RORB: variants seen among roughly 807,000 people sequenced by gnomAD.
RORB encodes the protein nuclear receptor ROR-beta.
RORB carries 6 observed loss-of-function variants against 59.1 expected under a neutral mutation model. The observed-to-expected ratio is 0.10, with a 90% CI of 0.06 to 0.20. The LOEUF is 0.20. Among genes scored for constraint, RORB ranks in the 10% least tolerant of loss-of-function variants. The pLI is 1.00. For missense variants in RORB, 320 were observed against 560.5 expected (o/e 0.57, Z 4.33); for synonymous variants, 215 against 204.5 (o/e 1.05, Z -0.44).
At chr9:74,646,420 A>G (rs1000296183) in intron 4 of RORB, among the ~76,000 whole-genome samples, 4 of 152,342 alleles carry the variant, frequency 2.6e-5, no homozygotes, top group African/African-American at 9.6e-5. Context: ...TAGCAGAGTC[A>G]GGAATACTCT....
intron 1 of RORB, among the ~76,000 whole-genome samples, chr9:74,566,966 G>A (rs1341544818): frequency 6.6e-6 from 1 of 151,930 alleles, no homozygotes; most frequent in Non-Finnish European, 1.5e-5. Flanking sequence ...AAGTTTCTGT[G>A]GGTTTTGGTT....
chr9:74,670,071 C>CA (rs1563970126), intron 8 of RORB, among the ~76,000 whole-genome samples: 1 of 145,858 alleles, frequency 6.9e-6, no homozygotes, highest in Non-Finnish European at 1.5e-5. Flanking sequence ...TCCTCTAGGC[C>CA]TTTTTTTTTT....
intron 9 of RORB, among the ~76,000 whole-genome samples, chr9:74,679,919 G>T (rs1028012611): frequency 6.6e-6 from 1 of 152,052 alleles, no homozygotes; most frequent in Non-Finnish European, 1.5e-5. Flanking sequence ...TGGCCAACAT[G>T]GTGAAATCCC....
In RORB at chr9:74,642,367, C is replaced by T. The variant is rs200889616; in HGVS notation, c.236-47C>T. 19 of 1,549,342 alleles carry T rather than the reference C, an allele frequency of 1.2e-5. No individual in the cohort carries two copies. The Middle Eastern group carries it at 5.5e-4, about 45-fold the overall frequency. The stretch of plus-strand genomic sequence containing the variant: ...CCCGTTGTACCTGAGGTGGTTAACG[C>T]GAATGATAACCACAAGTGCTGTTTT... On this transcript the variant is annotated intron_variant, in intron 3 of 9. Transcript: ENST00000376896.
intron 1 of RORB, among the ~76,000 whole-genome samples, chr9:74,583,186 TGTAA>T (rs1396720617): frequency 2.6e-5 from 4 of 152,160 alleles, no homozygotes; most frequent in African/African-American, 9.7e-5. Context: ...CTAGGGCTCA[TGTAA>T]GTGTTTCTTT....
chr9:74,501,871 C>A (rs1303202983), intron 1 of RORB, among the ~76,000 whole-genome samples: 3 of 152,120 alleles, frequency 2.0e-5, no homozygotes, highest in African/African-American at 7.2e-5. Context: ...AAATTTTGAA[C>A]AGCAAACTTT....
intron 1 of RORB, among the ~76,000 whole-genome samples, chr9:74,601,601 A>G (rs1338741844): frequency 2.0e-5 from 3 of 152,134 alleles, no homozygotes; most frequent in African/African-American, 7.2e-5. Context: ...TTACTACTCA[A>G]TTCTCTACGA....
chr9:74,540,823 A>G (rs1826394665), intron 1 of RORB, among the ~76,000 whole-genome samples: 1 of 152,136 alleles, frequency 6.6e-6, no homozygotes. Flanking sequence ...CTATCGGACA[A>G]ATTTTCAAAA....
chr9:74,605,346 A>C (rs924331668), intron 1 of RORB, among the ~76,000 whole-genome samples: 3 of 152,218 alleles, frequency 2.0e-5, no homozygotes, highest in Non-Finnish European at 4.4e-5. Flanking sequence ...TTCAAACCAA[A>C]AACTCATGGT....
intron 3 of RORB, among the ~76,000 whole-genome samples, chr9:74,638,344 T>C (rs1330654379): frequency 6.6e-6 from 1 of 152,204 alleles, no homozygotes; most frequent in Non-Finnish European, 1.5e-5. Flanking sequence ...AAATATAAAA[T>C]GATTTCCGAT....
chr9:74,544,026 T>C (rs1345700768), intron 1 of RORB, among the ~76,000 whole-genome samples: 1 of 152,200 alleles, frequency 6.6e-6, no homozygotes, highest in African/African-American at 2.4e-5. Flanking sequence ...ATGAAATCTT[T>C]CAGGATATTG....
chr9:74,641,937 A>T (rs1363902202), intron 3 of RORB, among the ~76,000 whole-genome samples: 1 of 152,070 alleles, frequency 6.6e-6, no homozygotes, highest in African/African-American at 2.4e-5. Context: ...AAATAAAAAG[A>T]AATTTGAGAA....
At chr9:74,604,768 C>T (rs1333607113) in intron 1 of RORB, among the ~76,000 whole-genome samples, 1 of 152,126 alleles carries the variant, frequency 6.6e-6, no homozygotes, top group Non-Finnish European at 1.5e-5. Context: ...ACATTTATCA[C>T]TGAAGATTCC....
Position 74,667,781 on chromosome 9 carries a change from T to A in RORB, c.1001-10T>A. On this transcript the variant is annotated splice_polypyrimidine_tract_variant and intron_variant, in intron 7 of 9. Coordinates refer to ENST00000376896, the MANE Select transcript of RORB (RefSeq NM_006914.4). ...AGTATTTTTATTCCATTTTTCTTCT[T>A]CCTTTATAGGTTCTGATGACCTAGT... 1 of 1,560,890 alleles carries A rather than the reference T, an allele frequency of 6.4e-7. No individual in the cohort carries two copies. The highest frequency in any genetic ancestry group is 8.8e-7 in the Non-Finnish European group (1 of 1,131,562).
intron 8 of RORB, among the ~76,000 whole-genome samples, chr9:74,670,741 G>A (rs904402650): frequency 2.0e-5 from 3 of 152,178 alleles, no homozygotes; most frequent in African/African-American, 4.8e-5. Context: ...CCTGACATAA[G>A]AGCCACTGTG....
At chr9:74,593,894 A>G (rs958332099) in intron 1 of RORB, among the ~76,000 whole-genome samples, 2 of 152,234 alleles carry the variant, frequency 1.3e-5, no homozygotes, top group Non-Finnish European at 2.9e-5. Flanking sequence ...AGGTCTTGAT[A>G]TAGTACATCA....
chr9:74,665,585 C>A lies in RORB; in HGVS notation c.990C>A (p.Phe330Leu). 1 of 1,607,796 alleles carries A rather than the reference C, an allele frequency of 6.2e-7. No homozygotes were observed. The highest frequency in any genetic ancestry group is 8.5e-7 in the Non-Finnish European group (1 of 1,174,872). ...FEGKYGGMQM[F>L]KALGSDDLVN... The stretch of plus-strand genomic sequence containing the variant: ...GAAAATATGGAGGAATGCAAATGTT[C>A]AAAGCCTTAGGTAAGTTTCCCTTTG... Residue 330 changes from phenylalanine (F) to leucine (L), a missense_variant, in exon 7 of 10, where the codon TTC becomes TTA. Phe to Leu is a conservative substitution (Grantham distance 22, BLOSUM62 0). Around this residue, in one of 4 missense-constraint regions of RORB, gnomAD observed 109 missense variants for 171.0 expected, o/e 0.64. Coordinates refer to ENST00000376896, the MANE Select transcript of RORB (RefSeq NM_006914.4).
In RORB at chr9:74,660,744, C is replaced by G. The variant is rs752256834; in HGVS notation, c.759+6C>G. 4 of 1,608,086 alleles carry G rather than the reference C, an allele frequency of 2.5e-6. No individual in the cohort carries two copies. In the South Asian group the frequency reaches 4.5e-5, roughly 18 times the overall value. On this transcript the variant is annotated splice_donor_region_variant and intron_variant, in intron 5 of 9. Transcript: ENST00000376896. ...TTAAAGCATATCAAAGCAAGGTACT[C>G]TGGGAAACCATGAGAAAGTTTTTCT...
chr9:74,568,117 C>T (rs924984030), intron 1 of RORB, among the ~76,000 whole-genome samples: 2 of 152,172 alleles, frequency 1.3e-5, no homozygotes, highest in African/African-American at 2.4e-5. Flanking sequence ...ATTTTTATAA[C>T]ACCTTTCACA....
Sources: gnomAD v4.1 joint callset for allele counts (sites outside exome capture counted in the v4.1 genomes callset) on GRCh38, gnomAD v4.1.1 for gene constraint, gnomAD v4.1.1 regional missense constraint, MANE v1.5 for transcripts, NCBI Gene and HGNC (gene_info 2026-07-23, HGNC 2026-07-21) for gene names.